Variants in BUB1B observed in about 807,000 individuals in gnomAD.
BUB1B encodes the protein mitotic checkpoint serine/threonine-protein kinase BUB1 beta.
In BUB1B, 86 loss-of-function variants were observed where a neutral mutation model predicts 137.7. That is an observed-to-expected ratio of 0.62 (90% CI 0.52 to 0.75). BUB1B has a LOEUF of 0.75. BUB1B is among the 30% of genes least tolerant of loss of function. BUB1B has a pLI of 0.00. For missense variants in BUB1B, 1,130 were observed against 1,236.9 expected (o/e 0.91, Z 1.30); for synonymous variants, 420 against 417.9 (o/e 1.00, Z -0.06).
At chr15:40,181,651 A>G (rs949087859) in intron 5 of BUB1B, among the ~76,000 whole-genome samples, 1 of 151,574 alleles carries the variant, frequency 6.6e-6, no homozygotes, top group African/African-American at 2.4e-5. Flanking sequence ...CTGTTTAACC[A>G]TTTTTCTTTT....
intron 2 of BUB1B, among the ~76,000 whole-genome samples, chr15:40,166,132 C>T (rs942284653): frequency 3.3e-5 from 5 of 152,212 alleles, no homozygotes; most frequent in South Asian, 2.1e-4. Context: ...GGATTACAGG[C>T]GTAAGCTACC....
At chr15:40,201,668 T>C (rs1006385597) in intron 12 of BUB1B, among the ~76,000 whole-genome samples, 2 of 152,154 alleles carry the variant, frequency 1.3e-5, no homozygotes, top group African/African-American at 4.8e-5. Context: ...TTTTTTTTTA[T>C]TTATTAATAT....
chr15:40,205,915 G>A (rs983916157), intron 14 of BUB1B, among the ~76,000 whole-genome samples: 3 of 152,180 alleles, frequency 2.0e-5, no homozygotes, highest in Non-Finnish European at 4.4e-5. Context: ...AAGAAAAATA[G>A]TATTTGTGCT....
intron 15 of BUB1B, among the ~76,000 whole-genome samples, chr15:40,206,687 C>T (rs547891885): frequency 1.3e-5 from 2 of 152,056 alleles, no homozygotes; most frequent in African/African-American, 4.8e-5. Context: ...CTAAGTGGTC[C>T]GAGAGGAGTA....
intron 15 of BUB1B, among the ~76,000 whole-genome samples, chr15:40,208,030 G>A (rs191063690): frequency 3.8e-4 from 57 of 150,942 alleles, no homozygotes; most frequent in African/African-American, 1.3e-3. Flanking sequence ...TGAGGTGGGA[G>A]GATCACTTGA....
At chr15:40,183,299 A>G (rs966243908) in intron 5 of BUB1B, among the ~76,000 whole-genome samples, 2 of 152,200 alleles carry the variant, frequency 1.3e-5, no homozygotes, top group Admixed American at 6.5e-5. Flanking sequence ...GCGCGCATGC[A>G]TGTGTATAGA....
chr15:40,180,846 C>T (rs1032880058), intron 5 of BUB1B, among the ~76,000 whole-genome samples: 51 of 150,930 alleles, frequency 3.4e-4, no homozygotes, highest in African/African-American at 1.2e-3. Context: ...GATGGGGTTT[C>T]ACCATGTTAG....
rs1415681041 is a variant in BUB1B, at chr15:40,220,666, T to G, written c.3060T>G (p.Asn1020Lys). The G allele has an allele frequency of 6.2e-7, 1 of 1,614,172 alleles. No homozygotes were observed. The highest frequency in any genetic ancestry group is 1.7e-5 in the Admixed American group (1 of 60,022). ...SVLGELAAEM[N>K]GVFDTTFQSH... is the part of the protein sequence containing the mutation. The stretch of plus-strand genomic sequence containing the variant: ...TTGGGGAGCTTGCAGCAGAAATGAA[T>G]GGGGTTTTTGACACTACATTCCAAA... Residue 1020 changes from asparagine to lysine, a missense_variant, in exon 23 of 23, where the codon AAT becomes AAG. Coordinates refer to ENST00000287598, the MANE Select transcript of BUB1B (RefSeq NM_001211.6).
intron 4 of BUB1B, 40 bp from the exon 5 acceptor site, chr15:40,176,437 G>C (rs371524191): frequency 2.5e-6 from 4 of 1,578,570 alleles, no homozygotes; most frequent in Non-Finnish European, 3.5e-6. Flanking sequence ...CATTCAATAC[G>C]TGAGTAGAAA....
chr15:40,205,378 T>C (rs1374729873), intron 14 of BUB1B, among the ~76,000 whole-genome samples: 1 of 152,222 alleles, frequency 6.6e-6, no homozygotes, highest in Non-Finnish European at 1.5e-5. Context: ...TCCATATGGG[T>C]TAAATCAAAT....
chr15:40,180,642 C>CTT (rs71132149), intron 5 of BUB1B, among the ~76,000 whole-genome samples: 104 of 65,842 alleles, frequency 1.6e-3, no homozygotes, highest in East Asian at 2.1e-3. Context: ...TTTTCTTTTT[C>CTT]TTTTTTTTTT....
chr15:40,217,507 C>A lies in BUB1B; in HGVS notation c.2690C>A (p.Pro897His). ...CLILRNRIHD[P>H]YDCNKNNQAL... is the part of the protein sequence containing the mutation. The stretch of plus-strand genomic sequence containing the variant: ...AAATCTGGGCTCAGAATCCACGATC[C>A]CTATGATTGTAACAAGAACAATCAA... Residue 897 changes from proline (P) to histidine (H), a missense_variant, in exon 21 of 23, where the codon CCC becomes CAC. Physicochemically the swap from Pro to His is moderately conservative, Grantham distance 77. Coordinates refer to ENST00000287598, the MANE Select transcript of BUB1B (RefSeq NM_001211.6). The A allele has an allele frequency of 6.2e-7, 1 of 1,613,906 alleles. No individual in the cohort carries two copies.
intron 12 of BUB1B, among the ~76,000 whole-genome samples, chr15:40,202,021 T>TTA (rs1376300984): frequency 6.6e-6 from 1 of 152,096 alleles, no homozygotes; most frequent in Non-Finnish European, 1.5e-5. Flanking sequence ...ACATTTGATA[T>TTA]TATATATATA....
At chr15:40,208,555 T>C in intron 15 of BUB1B, 82 bp from the exon 16 acceptor site, 1 of 1,382,994 alleles carries the variant, frequency 7.2e-7, no homozygotes, top group Non-Finnish European at 9.9e-7. Flanking sequence ...AAGAAAAATG[T>C]ATACATTAAG....
chr15:40,218,845 T>C (rs899815000), intron 22 of BUB1B, among the ~76,000 whole-genome samples: 1 of 152,258 alleles, frequency 6.6e-6, no homozygotes, highest in Non-Finnish European at 1.5e-5. Flanking sequence ...TGTTTAGATA[T>C]GTGAAAAGAA....
chr15:40,208,654 G>T lies in BUB1B; in HGVS notation c.2027G>T (p.Ser676Ile). 1 of 1,613,782 alleles carries T rather than the reference G, an allele frequency of 6.2e-7. No homozygotes were observed. The highest frequency in any genetic ancestry group is 8.5e-7 in the Non-Finnish European group (1 of 1,179,754). The change falls in exon 16 of 23, where the codon AGT becomes ATT. Residue 676 changes from serine to isoleucine, a missense_variant. By Grantham distance (142) the Ser-to-Ile change is moderately radical. Transcript: ENST00000287598. ...IKKLSPIIED[S>I]REATHSSGFS... ...TCTTTTAGCCCAATTATTGAAGACA[G>T]TCGTGAAGCCACACACTCCTCTGGC...
At chr15:40,220,435 C>A in intron 22 of BUB1B, 129 bp from the exon 23 acceptor site, 1 of 931,396 alleles carries the variant, frequency 1.1e-6, no homozygotes, top group Non-Finnish European at 1.6e-6. Context: ...TTTGAATGAT[C>A]TCTAACCCTA....
intron 5 of BUB1B, among the ~76,000 whole-genome samples, chr15:40,180,081 A>T (rs2037267267): frequency 6.6e-6 from 1 of 150,494 alleles, no homozygotes; most frequent in Non-Finnish European, 1.5e-5. Flanking sequence ...GTTCCCTTCT[A>T]GTATCATTTC....
At chr15:40,183,906 C>G in intron 6 of BUB1B, 23 bp downstream of exon 6, 1 of 1,611,364 alleles carries the variant, frequency 6.2e-7, no homozygotes, top group Middle Eastern at 1.7e-4. Context: ...AACGTTATTT[C>G]GGAAAACTGT....
Sources: allele counts gnomAD v4.1 joint callset (sites outside exome capture counted in the v4.1 genomes callset), GRCh38; gene constraint gnomAD v4.1.1; transcripts MANE v1.5; gene names NCBI Gene and HGNC (gene_info 2026-07-23, HGNC 2026-07-21).